TUBA3C: variants seen among roughly 807,000 people sequenced by gnomAD.
TUBA3C encodes the protein tubulin alpha 3c.
In TUBA3C, 23 loss-of-function variants were observed where a neutral mutation model predicts 33.4. That is an observed-to-expected ratio of 0.69 (90% CI 0.50 to 0.98). The LOEUF is 0.98. Ranked by LOEUF, TUBA3C falls within the 50% of genes least tolerant of loss-of-function variation. The pLI is 0.00. For synonymous variants in TUBA3C, 269 were observed against 250.4 expected, an observed-to-expected ratio of 1.07 and a Z score of -0.70; for missense variants, 402 against 616.0, an observed-to-expected ratio of 0.65 and a Z score of 3.68.
At chr13:19,175,291 G>A (rs750021138) in intron 4 of TUBA3C, among the ~76,000 whole-genome samples, 3 of 152,232 alleles carry the variant, frequency 2.0e-5, no homozygotes, top group Middle Eastern at 3.4e-3. Flanking sequence ...AAGCAGCAAC[G>A]TCTTTATTTC....
chr13:19,178,209 T>C (rs1869269389), intron 3 of TUBA3C, 37 bp downstream of exon 3: 2 of 1,612,394 alleles, frequency 1.2e-6, no homozygotes. Context: ...TACCCTCCTG[T>C]GCAGGACAAT....
At chr13:19,175,747 T>C (rs73436061) in intron 4 of TUBA3C, among the ~76,000 whole-genome samples, 3,947 of 152,260 alleles carry the variant, frequency 0.026, 180 homozygotes, top group African/African-American at 0.089. Flanking sequence ...TGATCTTGTC[T>C]TTTTTTCTTT....
chr13:19,179,956 G>T (rs1056243808), intron 1 of TUBA3C, among the ~76,000 whole-genome samples: 1 of 152,166 alleles, frequency 6.6e-6, no homozygotes, highest in Non-Finnish European at 1.5e-5. Flanking sequence ...TAAGGAAATA[G>T]AGAGTAGGTC....
In TUBA3C at chr13:19,177,593, C is replaced by G. The variant is rs757186706; in HGVS notation, c.390G>C (p.Thr130=). 2 of 1,587,996 alleles carry G rather than the reference C, an allele frequency of 1.3e-6. No homozygotes were observed. The highest frequency in any genetic ancestry group is 1.2e-5 in the South Asian group (1 of 86,106). Residue 130 remains threonine (T), a synonymous_variant, in exon 4 of 5, where the codon ACG becomes ACC. Coordinates refer to ENST00000400113, the MANE Select transcript of TUBA3C (RefSeq NM_006001.3). The surrounding 1 kb of genome is among the most constrained non-coding windows in gnomAD (Gnocchi z 5.0). ...DRIRKLADLC[T]GLQGFLIFHS... is the part of the protein sequence containing the mutation. Reference sequence around the variant, plus strand: ...GGAAGATGAGGAAGCCCTGCAGTCCCGTGCACAGATCCGCCTGAGGGAAAC... The same window carrying G: ...GGAAGATGAGGAAGCCCTGCAGTCCGGTGCACAGATCCGCCTGAGGGAAAC...
chr13:19,174,079 G>C lies in TUBA3C; in HGVS notation c.1137C>G (p.Ser379Arg). The C allele has an allele frequency of 6.2e-7, 1 of 1,613,922 alleles. No individual in the cohort carries two copies. The highest frequency in any genetic ancestry group is 1.1e-5 in the South Asian group (1 of 91,058). ...AGGCCTCCGCGATGGCCGTGGTGTTGCTCAGCATGCACACAGCCCGCTGCA... is the reference window on the plus strand; with the variant it reads ...AGGCCTCCGCGATGGCCGTGGTGTTCCTCAGCATGCACACAGCCCGCTGCA... ...AKVQRAVCML[S>R]NTTAIAEAWA... Residue 379 changes from serine (S) to arginine (R), a missense_variant, in exon 5 of 5, where the codon AGC becomes AGG. By Grantham distance (110) the Ser-to-Arg change is moderately radical. Coordinates refer to ENST00000400113, the MANE Select transcript of TUBA3C (RefSeq NM_006001.3).
intron 2 of TUBA3C, among the ~76,000 whole-genome samples, 198 bp downstream of exon 2, chr13:19,179,143 G>A (rs1250536680): frequency 6.6e-6 from 1 of 152,160 alleles, no homozygotes; most frequent in African/African-American, 2.4e-5. Flanking sequence ...TTCCCTGTAG[G>A]CCAGGTTTTC....
chr13:19,180,762 T>A (rs1433887244), intron 1 of TUBA3C, among the ~76,000 whole-genome samples: 1 of 151,912 alleles, frequency 6.6e-6, no homozygotes, highest in Non-Finnish European at 1.5e-5. Flanking sequence ...CCCAAAGTGC[T>A]GGGATTACAG....
At chr13:19,178,456 T>C (rs1221034054) in intron 2 of TUBA3C, 62 bp from the exon 3 acceptor site, 8 of 1,587,166 alleles carry the variant, frequency 5.0e-6, no homozygotes, top group Admixed American at 3.5e-5. Flanking sequence ...GATGGACACA[T>C]TCCAGGACTG....
At position 19,179,471 on chromosome 13, in the gene TUBA3C, G is replaced by T; in HGVS notation, c.96C>A (p.Pro32=). The change falls in exon 2 of 5, where the codon CCC becomes CCA. Residue 32 remains proline, a synonymous_variant. Transcript: ENST00000400113. ...TTTTATCACTTGGCATCTGACCATC[G>T]GGCTGAATTCCATGTTCCAGGCAGT... The part of the protein sequence containing the change: ...ELYCLEHGIQ[P]DGQMPSDKTI... 1.9e-6 allele frequency: 3 copies of T among 1,614,074 alleles called. No homozygotes were observed. Among genetic ancestry groups the T allele is most frequent in the Non-Finnish European group, 2.5e-6 (3 of 1,179,998 alleles).
chr13:19,178,118 T>C, intron 3 of TUBA3C, 128 bp downstream of exon 3: 1 of 1,445,664 alleles, frequency 6.9e-7, no homozygotes, highest in South Asian at 1.3e-5. Flanking sequence ...AGTGTTGGGA[T>C]TACAGGCGTG....
In TUBA3C at chr13:19,173,862, C is replaced by T. The variant is rs201463504; in HGVS notation, c.*1G>A. On this transcript the variant is annotated 3_prime_UTR_variant, in exon 5 of 5. Coordinates refer to ENST00000400113, the MANE Select transcript of TUBA3C (RefSeq NM_006001.3). ...AGTGGAGAACCCACCACACCCTCCCCTCAGTATTCTTCACCTTCTTCAGCC... is the reference window on the plus strand; with the variant it reads ...AGTGGAGAACCCACCACACCCTCCCTTCAGTATTCTTCACCTTCTTCAGCC... 4 of 1,611,256 alleles carry T rather than the reference C, an allele frequency of 2.5e-6. No individual in the cohort carries two copies. The Admixed American group carries it at 6.7e-5, about 27-fold the overall frequency.
chr13:19,178,095 CT>C, intron 3 of TUBA3C, 150 bp downstream of exon 3: 1 of 1,273,460 alleles, frequency 7.9e-7, no homozygotes, highest in Non-Finnish European at 1.1e-6. Context: ...GACTGCCCAC[CT>C]TGGCCTCCCA....
rs55746544 is a variant in TUBA3C, at chr13:19,176,725, C to CAAAAAAAAAAAAAAAAAAA, written c.1056+183_1056+201dup. ...TGGGCGACAAAGCTAGACTCTGCCT[C>CAAAAAAAAAAAAAAAAAAA]AAAAAAAAAAAAAAAAAAAAAAAAA... On this transcript the variant is annotated intron_variant, in intron 4 of 4. Transcript: ENST00000400113. 4.0e-4 allele frequency among the ~76,000 whole-genome samples: 14 copies of CAAAAAAAAAAAAAAAAAAA among 34,608 alleles called. 3 individuals carry two copies. Among genetic ancestry groups the CAAAAAAAAAAAAAAAAAAA allele is most frequent in the Non-Finnish European group, 7.5e-4 (12 of 16,102 alleles). 22.7% of individuals were successfully genotyped at this position (34,608 alleles called of 152,430 possible).
chr13:19,179,562 C>G lies in TUBA3C; in HGVS notation c.5G>C (p.Arg2Pro), dbSNP rs371896594. ...CCCCACGTGGATAGAGATACACTCA[C>G]GCTGTGAACCAGAACATAAATGTAG... is the stretch of plus-strand genomic sequence containing the variant. MRECISIHVGQA... is the reference protein window; with the variant it reads MPECISIHVGQA... The change falls in exon 2 of 5, where the codon CGT (arginine) becomes CCT (proline). Residue 2 changes from arginine to proline, a missense_variant and splice_region_variant. By Grantham distance (103) the Arg-to-Pro change is moderately radical. Coordinates refer to ENST00000400113, the MANE Select transcript of TUBA3C (RefSeq NM_006001.3). 6.2e-7 allele frequency: 1 copy of G among 1,613,504 alleles called. No individual in the cohort carries two copies. The highest frequency in any genetic ancestry group is 8.5e-7 in the Non-Finnish European group (1 of 1,179,462).
rs372020555 is a variant in TUBA3C, at chr13:19,177,535, C to G, written c.448G>C (p.Ala150Pro). The change falls in exon 4 of 5, where the codon GCA (alanine) becomes CCA (proline). Residue 150 changes from alanine (A) to proline (P), a missense_variant. Ala to Pro is a conservative substitution (Grantham distance 27). Transcript: ENST00000400113. This position sits in a 1 kb window ranked among gnomAD's most constrained non-coding sequence, Gnocchi z 5.0. Reference sequence around the variant, plus strand: ...GAGAGCCGCTCCATGAGCAGAGATGCGAACCCAGAGCCAGTGCCACCCCCA... The same window carrying G: ...GAGAGCCGCTCCATGAGCAGAGATGGGAACCCAGAGCCAGTGCCACCCCCA... ...SFGGGTGSGFASLLMERLSVD... is the reference protein window; with the variant it reads ...SFGGGTGSGFPSLLMERLSVD... The G allele has an allele frequency of 1.2e-6, 2 of 1,613,624 alleles. No homozygotes were observed. The highest frequency in any genetic ancestry group is 2.2e-5 in the South Asian group (2 of 90,986).
chr13:19,181,621 C>G, intron 1 of TUBA3C, 124 bp downstream of exon 1: 5 of 1,421,100 alleles, frequency 3.5e-6, no homozygotes, highest in Non-Finnish European at 4.9e-6. Flanking sequence ...GCCCCGCATC[C>G]TTCTCTGACC....
intron 4 of TUBA3C, 96 bp from the exon 5 acceptor site, chr13:19,174,255 C>A (rs1869106713): frequency 6.8e-7 from 1 of 1,467,188 alleles, no homozygotes; most frequent in African/African-American, 1.4e-5. Context: ...TGTAGGTGAA[C>A]AGGAGAATTC....
chr13:19,179,429 G>C lies in TUBA3C; in HGVS notation c.138C>G (p.Asp46Glu). Residue 46 changes from aspartate (D) to glutamate (E), a missense_variant, in exon 2 of 5, where the codon GAC becomes GAG. Asp to Glu is a conservative substitution (Grantham distance 45). Coordinates refer to ENST00000400113, the MANE Select transcript of TUBA3C (RefSeq NM_006001.3). Reference sequence around the variant, plus strand: ...CACTGAAGAACGTGTTGAAGGAGTCGTCCCCACCACCAATGGTTTTATCAC... The same window carrying C: ...CACTGAAGAACGTGTTGAAGGAGTCCTCCCCACCACCAATGGTTTTATCAC... Reference protein sequence around the residue: ...MPSDKTIGGGDDSFNTFFSET... With the variant: ...MPSDKTIGGGEDSFNTFFSET... 1 of 1,614,016 alleles carries C rather than the reference G, an allele frequency of 6.2e-7. No individual in the cohort carries two copies. Among genetic ancestry groups the C allele is most frequent in the Non-Finnish European group, 8.5e-7 (1 of 1,179,936 alleles).
chr13:19,175,075 G>A (rs533689471), intron 4 of TUBA3C, among the ~76,000 whole-genome samples: 19 of 151,996 alleles, frequency 1.3e-4, no homozygotes, highest in African/African-American at 3.1e-4. Context: ...GGTGAAACCC[G>A]GTCTCTACTA....
Sources: allele counts gnomAD v4.1 joint callset (sites outside exome capture counted in the v4.1 genomes callset), GRCh38; gene constraint gnomAD v4.1.1; non-coding constraint Gnocchi (gnomAD v3.1); transcripts MANE v1.5; gene names NCBI Gene and HGNC (gene_info 2026-07-23, HGNC 2026-07-21).